The following NRG2 variants were observed in gnomAD, a reference collection of about 807,000 sequenced individuals.
NRG2 encodes the protein pro-neuregulin-2, membrane-bound isoform.
In NRG2, 27 loss-of-function variants were observed where a neutral mutation model predicts 73.9. That is an observed-to-expected ratio of 0.37 (90% CI 0.27 to 0.50). NRG2 has a LOEUF of 0.50. NRG2 is among the 20% of genes least tolerant of loss of function. The pLI is 0.96. For missense variants in NRG2, 1,126 were observed against 1,210.1 expected (o/e 0.93, Z 1.03); for synonymous variants, 532 against 541.0 (o/e 0.98, Z 0.23).
rs139512333 is a variant in NRG2, at chr5:139,887,444, C to A, written c.768G>T (p.Lys256Asn). 2.1e-4 allele frequency: 332 copies of A among 1,614,170 alleles called. No homozygotes were observed. The highest frequency in any genetic ancestry group is 2.6e-4 in the Non-Finnish European group (306 of 1,180,058). Residue 256 changes from lysine (K) to asparagine (N), a missense_variant, in exon 2 of 10, where the codon AAG becomes AAT. Physicochemically the swap from Lys to Asn is moderately conservative, Grantham distance 94. Around this residue, in one of 3 missense-constraint regions of NRG2, gnomAD observed 539 missense variants for 703.2 expected, o/e 0.77. Transcript: ENST00000361474. The surrounding 1 kb of genome is among the most constrained non-coding windows in gnomAD (Gnocchi z 4.5). ...GGGGATTACCGGCTGCTGCCTCACA[C>A]TTCAGCGATTGCTTCTCACCCACCT... ...TGQVGEKQSL[K>N]CEAAAGNPQP...
chr5:140,041,823 C>G (rs550667965), intron 1 of NRG2, among the ~76,000 whole-genome samples: 1 of 152,112 alleles, frequency 6.6e-6, no homozygotes, highest in South Asian at 2.1e-4. Context: ...CCTGCGCCAG[C>G]GGTGTGGATG....
chr5:139,937,852 C>G (rs1323210170), intron 1 of NRG2, among the ~76,000 whole-genome samples: 2 of 152,120 alleles, frequency 1.3e-5, no homozygotes, highest in African/African-American at 4.8e-5. Context: ...ATTCTGTGAA[C>G]ACACAGAATA....
At chr5:139,892,204 C>T (rs1043830726) in intron 1 of NRG2, among the ~76,000 whole-genome samples, 15 of 152,132 alleles carry the variant, frequency 9.9e-5, no homozygotes, top group African/African-American at 2.7e-4. Context: ...CAGATGGCCT[C>T]GGAACAATGT....
intron 1 of NRG2, among the ~76,000 whole-genome samples, chr5:139,971,296 C>G (rs974438609): frequency 8.5e-5 from 13 of 152,214 alleles, no homozygotes; most frequent in African/African-American, 2.9e-4. Flanking sequence ...CTATTTTCCA[C>G]TAGACGGTAA....
Position 140,043,213 on chromosome 5 carries a change from G to T in NRG2, c.-144C>A. ...AGCCCGGGGAGGTGGCCCAGCTAGGGCAGGGGGCAGGCGGCAAGCGGGCCG... is the reference window on the plus strand; with the variant it reads ...AGCCCGGGGAGGTGGCCCAGCTAGGTCAGGGGGCAGGCGGCAAGCGGGCCG... On this transcript the variant is annotated 5_prime_UTR_variant, in exon 1 of 10. Transcript: ENST00000361474. This position sits in a 1 kb window ranked among gnomAD's most constrained non-coding sequence, Gnocchi z 6.7. The T allele has an allele frequency of 1.1e-6, 1 of 894,768 alleles. No homozygotes were observed. Among genetic ancestry groups the T allele is most frequent in the Non-Finnish European group, 1.6e-6 (1 of 619,848 alleles). The allele number at this position is 894,768 out of a possible 1,614,324, so 55.4% of individuals were successfully genotyped here.
In NRG2 at chr5:139,894,357, G is replaced by T. The variant is rs1764420755; in HGVS notation, c.701-6846C>A. 6.6e-6 allele frequency among the ~76,000 whole-genome samples: 1 copy of T among 151,976 alleles called. No homozygotes were observed. Among genetic ancestry groups the T allele is most frequent in the Non-Finnish European group, 1.5e-5 (1 of 67,968 alleles). ...CAAAGTTTCCCACTGTCCTGCTGCT[G>T]GCCAGCTGCAGGCCAGCCCCCTTCC... On this transcript the variant is annotated intron_variant, in intron 1 of 9. Transcript: ENST00000361474. The surrounding 1 kb of genome is among the most constrained non-coding windows in gnomAD (Gnocchi z 5.0).
At chr5:140,014,596 T>A (rs1292757388) in intron 1 of NRG2, among the ~76,000 whole-genome samples, 4 of 152,122 alleles carry the variant, frequency 2.6e-5, no homozygotes, top group Non-Finnish European at 4.4e-5. Flanking sequence ...TATCAGGAAG[T>A]CTTTTGGGCC....
chr5:139,888,264 G>A (rs550140974), intron 1 of NRG2, among the ~76,000 whole-genome samples: 18 of 152,254 alleles, frequency 1.2e-4, no homozygotes, highest in African/African-American at 4.1e-4. Context: ...GCAGGCTCTC[G>A]TTTGGTCCCT....
chr5:139,939,437 G>A (rs985022724), intron 1 of NRG2, among the ~76,000 whole-genome samples: 2 of 151,956 alleles, frequency 1.3e-5, no homozygotes, highest in Non-Finnish European at 2.9e-5. Flanking sequence ...ACAGTGCTCA[G>A]CTAATTTTTG....
At position 139,848,642 on chromosome 5, in the gene NRG2, A is replaced by G; in HGVS notation, c.1828T>C (p.Ser610Pro). The change falls in exon 10 of 10, where the codon TCG becomes CCG. Residue 610 changes from serine to proline, a missense_variant. By Grantham distance (74) the Ser-to-Pro change is moderately conservative. Transcript: ENST00000361474. Reference protein sequence around the residue: ...ARLSPVDFHYSLATQVPTFEI... With the variant: ...ARLSPVDFHYPLATQVPTFEI... ...AAAGTTGGCACCTGCGTGGCCAGCG[A>G]GTAGTGGAAGTCCACGGGCGAGAGG... 1.3e-6 allele frequency: 2 copies of G among 1,576,008 alleles called. No individual in the cohort carries two copies. Among genetic ancestry groups the G allele is most frequent in the Non-Finnish European group, 1.7e-6 (2 of 1,170,546 alleles).
intron 1 of NRG2, among the ~76,000 whole-genome samples, chr5:139,903,275 C>T (rs916229354): frequency 2.6e-5 from 4 of 152,184 alleles, no homozygotes; most frequent in African/African-American, 4.8e-5. Context: ...ATCTCTGGAA[C>T]GTACTTCGTT....
chr5:139,957,901 G>A (rs13181750), intron 1 of NRG2, among the ~76,000 whole-genome samples: 21,260 of 152,038 alleles, frequency 0.14, 1,592 homozygotes, highest in South Asian at 0.25. Context: ...TGCTCACCCA[G>A]AGGAGAGCCT....
intron 1 of NRG2, among the ~76,000 whole-genome samples, chr5:140,014,544 AT>A (rs1302697680): frequency 4.0e-5 from 6 of 151,888 alleles, no homozygotes; most frequent in Non-Finnish European, 8.8e-5. Context: ...GCCTGGATTC[AT>A]TTTTTTACTC....
chr5:139,848,551 C>T lies in NRG2; in HGVS notation c.1919G>A (p.Arg640His), dbSNP rs780113081. ...CAGTAACGGCTGCTGCTCGGCCAGGCGGTAACTGATGGGCGCCGCCGGCGG... is the reference window on the plus strand; with the variant it reads ...CAGTAACGGCTGCTGCTCGGCCAGGTGGTAACTGATGGGCGCCGCCGGCGG... The part of the protein sequence containing the change: ...SLPPAAPISY[R>H]LAEQQPLLRH... Residue 640 changes from arginine (R) to histidine (H), a missense_variant, in exon 10 of 10, where the codon CGC becomes CAC. Transcript: ENST00000361474. 1 of 1,531,862 alleles carries T rather than the reference C, an allele frequency of 6.5e-7. No individual in the cohort carries two copies. The highest frequency in any genetic ancestry group is 1.2e-5 in the South Asian group (1 of 83,296). The allele number at this position is 1,531,862 out of a possible 1,614,324, so 94.9% of individuals were successfully genotyped here.
intron 5 of NRG2, among the ~76,000 whole-genome samples, chr5:139,862,229 T>C (rs542475707): frequency 6.6e-6 from 1 of 152,326 alleles, no homozygotes; most frequent in East Asian, 1.9e-4. Flanking sequence ...CAGCTGCAGC[T>C]TCTAGGGCTC....
Position 139,847,836 on chromosome 5 carries a change from C to T in NRG2, c.*81G>A. The T allele has an allele frequency of 1.3e-6, 1 of 758,086 alleles. No individual in the cohort carries two copies. Among genetic ancestry groups the T allele is most frequent in the Non-Finnish European group, 1.8e-6 (1 of 544,974 alleles). The allele number at this position is 758,086 out of a possible 1,614,324, so 47.0% of individuals were successfully genotyped here. A position where few individuals can be genotyped will look rare whatever the true frequency, so the allele number is the denominator to read the frequency against. The stretch of plus-strand genomic sequence containing the variant: ...ATAAAAATATTTTTATTTCTTTTTT[C>T]CTCCTTTCTCTCCAGTAGGCGGTCT... On this transcript the variant is annotated 3_prime_UTR_variant, in exon 10 of 10. Transcript: ENST00000361474.
chr5:140,011,893 T>C lies in NRG2; in HGVS notation c.700+30477A>G, dbSNP rs1000633025. ...GAGGACCCAACTCAAAAATCATTAA[T>C]CTATTAAACATTTCTTAATACTTTC... On this transcript the variant is annotated intron_variant, in intron 1 of 9. Transcript: ENST00000361474. Among the ~76,000 whole-genome samples the C allele has an allele frequency of 1.3e-4, 20 of 152,350 alleles. No individual in the cohort carries two copies. In the South Asian group the frequency reaches 1.7e-3, roughly 13 times the overall value.
intron 1 of NRG2, among the ~76,000 whole-genome samples, chr5:140,020,833 T>C (rs985487623): frequency 6.6e-6 from 1 of 152,238 alleles, no homozygotes; most frequent in African/African-American, 2.4e-5. Flanking sequence ...CTCTATGCCA[T>C]CATTTATAAA....
intron 1 of NRG2, among the ~76,000 whole-genome samples, chr5:139,945,487 C>A (rs534758364): frequency 6.6e-6 from 1 of 152,072 alleles, no homozygotes. Context: ...TTCTGGTTCT[C>A]TGTTCTGTTC....
Sources: gnomAD v4.1 joint callset for allele counts (sites outside exome capture counted in the v4.1 genomes callset) on GRCh38, gnomAD v4.1.1 for gene constraint, gnomAD v4.1.1 regional missense constraint, Gnocchi (gnomAD v3.1) non-coding constraint, MANE v1.5 for transcripts, NCBI Gene and HGNC (gene_info 2026-07-23, HGNC 2026-07-21) for gene names.